The following TARS2 variants were observed in gnomAD, a reference collection of about 807,000 sequenced individuals.
TARS2 encodes the protein threonine--tRNA ligase, mitochondrial.
A neutral mutation model predicts 94.4 loss-of-function variants in TARS2; 61 were observed. The ratio of observed to expected loss-of-function variants is 0.65; its 90% confidence interval spans 0.53 to 0.80. The LOEUF is 0.80. TARS2 is among the 30% of genes least tolerant of loss of function. TARS2 has a pLI of 0.00. For synonymous variants in TARS2, 359 were observed against 353.4 expected (o/e 1.02, Z -0.18); for missense variants, 704 against 902.5 (o/e 0.78, Z 2.82).
chr1:150,493,887 T>A (rs1669518520), intron 7 of TARS2, among the ~76,000 whole-genome samples: 1 of 152,140 alleles, frequency 6.6e-6, no homozygotes, highest in Admixed American at 6.6e-5. Flanking sequence ...CTGGGCATGG[T>A]GGCTCATGCC....
chr1:150,502,311 T>C (rs587652833), intron 13 of TARS2, among the ~76,000 whole-genome samples: 1 of 150,396 alleles, frequency 6.6e-6, no homozygotes, highest in African/African-American at 2.5e-5. Context: ...AACCTCCACC[T>C]CCCAGGTTCA....
intron 13 of TARS2, among the ~76,000 whole-genome samples, chr1:150,503,648 T>C (rs1474517619): frequency 2.7e-5 from 4 of 150,360 alleles, no homozygotes; most frequent in African/African-American, 9.8e-5. Flanking sequence ...TGTATATATG[T>C]GTGTATATAT....
At chr1:150,506,503 C>T (rs1394445496) in intron 17 of TARS2, among the ~76,000 whole-genome samples, 1 of 148,092 alleles carries the variant, frequency 6.8e-6, no homozygotes, top group Non-Finnish European at 1.5e-5. Flanking sequence ...CACACACACA[C>T]ACACACACAC....
chr1:150,491,113 T>A (rs1208648215), intron 4 of TARS2, among the ~76,000 whole-genome samples: 2 of 152,152 alleles, frequency 1.3e-5, no homozygotes, highest in Non-Finnish European at 2.9e-5. Flanking sequence ...TTAGCTTTCA[T>A]AAATTCAAGT....
intron 13 of TARS2, 147 bp downstream of exon 13, chr1:150,499,440 T>C: frequency 1.4e-6 from 1 of 716,086 alleles, no homozygotes; most frequent in Middle Eastern, 4.1e-4. Flanking sequence ...CTCAGCTCAC[T>C]GCAACCTCCA....
intron 14 of TARS2, 95 bp from the exon 15 acceptor site, chr1:150,504,537 G>C: frequency 1.3e-6 from 2 of 1,571,862 alleles, no homozygotes; most frequent in East Asian, 4.5e-5. Context: ...TCTCCTGCCA[G>C]AGCTGAATAT....
At chr1:150,491,743 T>A in intron 6 of TARS2, 81 bp downstream of exon 6, 1 of 1,424,520 alleles carries the variant, frequency 7.0e-7, no homozygotes. Context: ...GGAAGAAAGA[T>A]AGAAGGTAAT....
At chr1:150,503,614 T>C (rs1279661184) in intron 13 of TARS2, among the ~76,000 whole-genome samples, 1 of 125,944 alleles carries the variant, frequency 7.9e-6, no homozygotes, top group Non-Finnish European at 1.6e-5. Context: ...TGTGTGTATA[T>C]ATATGTGTGT....
At chr1:150,505,452 G>C (rs1440319669) in intron 16 of TARS2, 139 bp from the exon 17 acceptor site, 1 of 769,420 alleles carries the variant, frequency 1.3e-6, no homozygotes, top group Non-Finnish European at 2.3e-6. Flanking sequence ...AATGAGGAGA[G>C]GTTGCTGGTA....
chr1:150,497,512 CTG>C lies in TARS2; in HGVS notation c.1021-16_1021-15del. ...TTCCAGTTACTCTGACCTTCCATGT[CTG>C]TACCCTCCTCTCCAGGCTGAGTATG... On this transcript the variant is annotated splice_polypyrimidine_tract_variant and intron_variant, in intron 9 of 17. Transcript: ENST00000369064. 1 of 1,612,142 alleles carries C rather than the reference CTG, an allele frequency of 6.2e-7. No individual in the cohort carries two copies. The highest frequency in any genetic ancestry group is 8.5e-7 in the Non-Finnish European group (1 of 1,178,900).
intron 10 of TARS2, among the ~76,000 whole-genome samples, chr1:150,498,067 T>TGG (rs1669750485): frequency 7.0e-6 from 1 of 142,834 alleles, no homozygotes; most frequent in South Asian, 2.2e-4. Flanking sequence ...CACTCCAGCC[T>TGG]GGGTGACACA....
chr1:150,504,509 A>G lies in TARS2; in HGVS notation c.1718+74A>G, dbSNP rs1285352597. On this transcript the variant is annotated intron_variant, in intron 14 of 17. Coordinates refer to ENST00000369064, the MANE Select transcript of TARS2 (RefSeq NM_025150.5). ...AGTCCTTCTGCCTTTGGCCCTAAAA[A>G]CTAAACCCTCCACACCCTCTCCTGC... 1.9e-6 allele frequency: 3 copies of G among 1,586,302 alleles called. No homozygotes were observed. The Admixed American group carries it at 5.0e-5, about 26-fold the overall frequency.
chr1:150,501,302 ATTTTT>A (rs869271907), intron 13 of TARS2, among the ~76,000 whole-genome samples: 2 of 32,068 alleles, frequency 6.2e-5, no homozygotes, highest in African/African-American at 2.3e-4. Flanking sequence ...ACAAAAAAAA[ATTTTT>A]TTTTTTTTTT....
chr1:150,504,670 G>A lies in TARS2; in HGVS notation c.1757G>A (p.Arg586Gln), dbSNP rs1670119604. The A allele has an allele frequency of 3.7e-6, 6 of 1,610,762 alleles. No homozygotes were observed. The highest frequency in any genetic ancestry group is 1.1e-5 in the South Asian group (1 of 91,018). ...CTGGAGCGTCCAGTCCTCATTCACC[G>A]AGCAGTGCTCGGTTCTGTGGAAAGA... ...GALERPVLIH[R>Q]AVLGSVERLL... The change falls in exon 15 of 18, where the codon CGA becomes CAA. Residue 586 changes from arginine to glutamine, a missense_variant. Physicochemically the swap from Arg to Gln is conservative, Grantham distance 43. Transcript: ENST00000369064.
At chr1:150,504,862 A>G (rs1670130026) in intron 15 of TARS2, 44 bp from the exon 16 acceptor site, 1 of 1,610,318 alleles carries the variant, frequency 6.2e-7, no homozygotes, top group South Asian at 1.1e-5. Context: ...TTCTGGCCAG[A>G]GCCAGAGTGA....
intron 9 of TARS2, among the ~76,000 whole-genome samples, 158 bp downstream of exon 9, chr1:150,497,066 T>G (rs945615093): frequency 1.3e-5 from 2 of 152,108 alleles, no homozygotes; most frequent in African/African-American, 4.8e-5. Context: ...GCAGATCACC[T>G]GAGGTCAGGA....
intron 13 of TARS2, among the ~76,000 whole-genome samples, chr1:150,501,517 T>C (rs1444498743): frequency 6.7e-6 from 1 of 149,564 alleles, no homozygotes; most frequent in Non-Finnish European, 1.5e-5. Context: ...TTTTTTTTTT[T>C]AGTAGATATG....
chr1:150,495,786 C>T (rs587661233), intron 7 of TARS2, among the ~76,000 whole-genome samples: 16 of 151,976 alleles, frequency 1.1e-4, no homozygotes, highest in South Asian at 6.2e-4. Context: ...GTGGTGCGAT[C>T]GCGACTCACT....
At chr1:150,498,757 A>G in intron 11 of TARS2, 93 bp downstream of exon 11, 3 of 1,606,600 alleles carry the variant, frequency 1.9e-6, no homozygotes, top group Non-Finnish European at 2.6e-6. Flanking sequence ...TGCCCCCTGT[A>G]TGTACTATAA....
Sources: allele counts gnomAD v4.1 joint callset (sites outside exome capture counted in the v4.1 genomes callset), GRCh38; gene constraint gnomAD v4.1.1; transcripts MANE v1.5; gene names NCBI Gene and HGNC (gene_info 2026-07-23, HGNC 2026-07-21).